The following DDX52 variants were observed in gnomAD, a reference collection of about 807,000 sequenced individuals.
The protein encoded by DDX52 is probable ATP-dependent RNA helicase DDX52.
Under a neutral mutation model 76.1 loss-of-function variants are expected in DDX52, and 59 were observed. That is an observed-to-expected ratio of 0.78 (90% confidence interval 0.63 to 0.96). The LOEUF is 0.96. DDX52 is among the 40% of genes least tolerant of loss of function. The pLI, the probability that DDX52 is intolerant of heterozygous loss-of-function variation, is 0.00. For synonymous variants in DDX52, 231 were observed against 244.1 expected (o/e 0.95, Z 0.50); for missense variants, 707 against 703.9 (o/e 1.00, Z -0.05).
chr17:37,622,140 A>T (rs1010449762), intron 9 of DDX52, among the ~76,000 whole-genome samples: 1 of 140,342 alleles, frequency 7.1e-6, no homozygotes, highest in Non-Finnish European at 1.5e-5. Context: ...ACTGAGTTGA[A>T]TCTCTACTAC....
chr17:37,634,388 T>C (rs2030832283), intron 2 of DDX52, among the ~76,000 whole-genome samples: 1 of 151,666 alleles, frequency 6.6e-6, no homozygotes. Context: ...TCCCAGCACT[T>C]TGGGAGGCCA....
intron 13 of DDX52, 34 bp from the exon 14 acceptor site, chr17:37,618,418 A>T: frequency 6.6e-7 from 1 of 1,509,064 alleles, no homozygotes; most frequent in East Asian, 2.4e-5. Flanking sequence ...GAAAAGAATT[A>T]AGTGCAACTT....
At chr17:37,616,662 C>CA (rs1188716926) in intron 14 of DDX52, among the ~76,000 whole-genome samples, 167 of 122,250 alleles carry the variant, frequency 1.4e-3, no homozygotes, top group Non-Finnish European at 1.1e-3. Flanking sequence ...GACTCCATCT[C>CA]AAAAAAAAAA....
At chr17:37,614,741 T>C (rs914689861) in intron 14 of DDX52, among the ~76,000 whole-genome samples, 1 of 152,180 alleles carries the variant, frequency 6.6e-6, no homozygotes, top group Non-Finnish European at 1.5e-5. Context: ...ATGAGGAAAA[T>C]GAGGCACAGA....
rs772594163 is a variant in DDX52, at chr17:37,628,614, T to A, written c.806A>T (p.His269Leu). Residue 269 changes from histidine (H) to leucine (L), a missense_variant, in exon 6 of 15, where the codon CAC becomes CTC. His to Leu is a moderately conservative substitution (Grantham distance 99, BLOSUM62 -3). Coordinates refer to ENST00000617633, the MANE Select transcript of DDX52 (RefSeq NM_007010.5). ...TTTCTTGGCTGCCACTGCTGCTTTG[T>A]GGATCATGTGTATTCTGAATCCTGT... ...EGTGFRIHMIHKAAVAAKKFG... is the reference protein window; with the variant it reads ...EGTGFRIHMILKAAVAAKKFG... 4.9e-5 allele frequency: 79 copies of A among 1,612,290 alleles called. No individual in the cohort carries two copies. Among genetic ancestry groups the A allele is most frequent in the Non-Finnish European group, 6.5e-5 (77 of 1,179,528 alleles).
At chr17:37,614,898 T>C (rs574284541) in intron 14 of DDX52, 46 of 152,484 alleles carry the variant, frequency 3.0e-4, no homozygotes, top group African/African-American at 1.1e-3. Flanking sequence ...TAATCAATGT[T>C]TGCAAACTAT....
chr17:37,622,516 G>A (rs1020602275), intron 9 of DDX52, among the ~76,000 whole-genome samples: 6 of 151,748 alleles, frequency 4.0e-5, no homozygotes, highest in South Asian at 2.1e-4. Flanking sequence ...GGCTGGTCTC[G>A]AACTGCTGAC....
Position 37,613,508 on chromosome 17 carries a change from T to C in DDX52, c.*788A>G, listed in dbSNP as rs995868462. On this transcript the variant is annotated 3_prime_UTR_variant, in exon 15 of 15. Coordinates refer to ENST00000617633, the MANE Select transcript of DDX52 (RefSeq NM_007010.5). ...GAAGAAAGGGAGAAGCTGATCATGA[T>C]CTTGTACAACATTATGACAGCACTA... is the stretch of plus-strand genomic sequence containing the variant. 6.6e-6 allele frequency: 1 copy of C among 152,188 alleles called. No individual in the cohort carries two copies. The allele number at this position is 152,188 out of a possible 1,614,324, so 9.4% of individuals were successfully genotyped here. A position where few individuals can be genotyped will look rare whatever the true frequency, so the allele number is the denominator to read the frequency against.
Position 37,614,214 on chromosome 17 carries a change from G to C in DDX52, c.*82C>G, listed in dbSNP as rs2064398988. 1 of 1,412,082 alleles carries C rather than the reference G, an allele frequency of 7.1e-7. No individual in the cohort carries two copies. Among genetic ancestry groups the C allele is most frequent in the South Asian group, 1.3e-5 (1 of 78,336 alleles). The allele number at this position is 1,412,082 out of a possible 1,614,324, so 87.5% of individuals were successfully genotyped here. On this transcript the variant is annotated 3_prime_UTR_variant, in exon 15 of 15. Transcript: ENST00000617633. ...AAATGTTTGGTACAGGTGACTGTAA[G>C]ACTTCAAGTATTCCATGAAAATAAC...
chr17:37,619,966 A>G, intron 12 of DDX52, 127 bp from the exon 13 acceptor site: 1 of 821,606 alleles, frequency 1.2e-6, no homozygotes. Flanking sequence ...GTTCTGATAT[A>G]TTATCAATTA....
At position 37,626,157 on chromosome 17, in the gene DDX52, A is replaced by C. The variant is rs571950577; in HGVS notation, c.933-59T>G. 1.4e-5 allele frequency: 22 copies of C among 1,578,786 alleles called. No homozygotes were observed. In the East Asian group the frequency reaches 4.5e-4, roughly 33 times the overall value. On this transcript the variant is annotated intron_variant, in intron 7 of 14. Transcript: ENST00000617633. Reference sequence around the variant, plus strand: ...ACTGAAAGATCCAAGACACTTCACTAAACTGTGGGGACAGTGGACACATGA... The same window carrying C: ...ACTGAAAGATCCAAGACACTTCACTCAACTGTGGGGACAGTGGACACATGA...
intron 4 of DDX52, 124 bp downstream of exon 4, chr17:37,631,989 A>G: frequency 7.3e-7 from 1 of 1,362,154 alleles, no homozygotes; most frequent in Non-Finnish European, 1.0e-6. Context: ...TGAACCTTAA[A>G]AGGAAGTGAA....
At position 37,611,989 on chromosome 17, in the gene DDX52, CAT is replaced by C. The variant is rs1407231589; in HGVS notation, c.*2305_*2306del. 6.8e-6 allele frequency: 1 copy of C among 146,590 alleles called. No individual in the cohort carries two copies. The highest frequency in any genetic ancestry group is 1.5e-5 in the Non-Finnish European group (1 of 66,792). The allele number at this position is 146,590 out of a possible 1,614,324, so 9.1% of individuals were successfully genotyped here. ...AAAAAAAAAACAAAACAAAAAAACT[CAT>C]AAAGTAAAAGTTACAGTAAGCTAAG... On this transcript the variant is annotated 3_prime_UTR_variant, in exon 15 of 15. Coordinates refer to ENST00000617633, the MANE Select transcript of DDX52 (RefSeq NM_007010.5).
intron 1 of DDX52, 131 bp downstream of exon 1, chr17:37,643,203 C>G: frequency 1.1e-6 from 1 of 907,728 alleles, no homozygotes; most frequent in Non-Finnish European, 1.6e-6. Flanking sequence ...CAAAAGGAAG[C>G]AAAATACCCC....
intron 2 of DDX52, among the ~76,000 whole-genome samples, chr17:37,641,276 C>A (rs1027045829): frequency 3.3e-4 from 50 of 152,096 alleles, no homozygotes; most frequent in African/African-American, 1.0e-3. Flanking sequence ...GTGGCAGGCA[C>A]CTGTAGTCCC....
intron 7 of DDX52, 134 bp downstream of exon 7, chr17:37,626,654 T>A: frequency 1.2e-6 from 1 of 807,980 alleles, no homozygotes; most frequent in South Asian, 1.6e-5. Context: ...TAAAAAACCA[T>A]TATTCTCAGT....
In DDX52 at chr17:37,620,851, TAG is replaced by T. The variant is rs775713933; in HGVS notation, c.1577+20_1577+21del. 5.1e-6 allele frequency: 8 copies of T among 1,575,622 alleles called. No homozygotes were observed. The highest frequency in any genetic ancestry group is 4.1e-5 in the African/African-American group (3 of 72,796). ...AATGAAGCAATTTTGCCAATAACACTAGGTTATTTTTTCTAATTTACCTTCTT... is the reference window on the plus strand; with the variant it reads ...AATGAAGCAATTTTGCCAATAACACTGTTATTTTTTCTAATTTACCTTCTT... On this transcript the variant is annotated intron_variant, in intron 12 of 14. Transcript: ENST00000617633.
At position 37,642,390 on chromosome 17, in the gene DDX52, C is replaced by T. The variant is rs2031247787; in HGVS notation, c.88-82G>A. On this transcript the variant is annotated intron_variant, in intron 1 of 14. Transcript: ENST00000617633. ...CAAGCAAGACTGTTCAATGACTCCTCATCTTTTCTACCCTTTCACCAAGTA... is the reference window on the plus strand; with the variant it reads ...CAAGCAAGACTGTTCAATGACTCCTTATCTTTTCTACCCTTTCACCAAGTA... 10 of 1,433,616 alleles carry T rather than the reference C, an allele frequency of 7.0e-6. No individual in the cohort carries two copies. In the South Asian group the frequency reaches 1.1e-4, roughly 16 times the overall value. 88.8% of individuals were successfully genotyped at this position (1,433,616 alleles called of 1,614,324 possible).
Position 37,625,917 on chromosome 17 carries a change from T to A in DDX52, c.1114A>T (p.Ile372Phe). 1 of 1,614,096 alleles carries A rather than the reference T, an allele frequency of 6.2e-7. No homozygotes were observed. The highest frequency in any genetic ancestry group is 8.5e-7 in the Non-Finnish European group (1 of 1,179,968). Residue 372 changes from isoleucine to phenylalanine, a missense_variant, in exon 8 of 15, where the codon ATC becomes TTC. By Grantham distance (21) the Ile-to-Phe change is conservative. Coordinates refer to ENST00000617633, the MANE Select transcript of DDX52 (RefSeq NM_007010.5). ...QWCKLNLDNV[I>F]SVSIGARNSA... ...TACCTTGCTCCAATGGACACACTGA[T>A]GACATTGTCCAGGTTGAGTTTGCAC...
Sources: allele counts gnomAD v4.1 joint callset (sites outside exome capture counted in the v4.1 genomes callset), GRCh38; gene constraint gnomAD v4.1.1; transcripts MANE v1.5; gene names NCBI Gene and HGNC (gene_info 2026-07-23, HGNC 2026-07-21).